The following NRXN3 variants were observed in gnomAD, a reference collection of about 807,000 sequenced individuals.
NRXN3 encodes the protein neurexin III.
A neutral mutation model predicts 137.6 loss-of-function variants in NRXN3; 32 were observed. That is an observed-to-expected ratio of 0.23 (90% CI 0.18 to 0.31). NRXN3 has a LOEUF of 0.31. NRXN3 is among the 10% of genes least tolerant of loss of function. The pLI, the probability that NRXN3 is intolerant of heterozygous loss-of-function variation, is 1.00. For synonymous variants in NRXN3, 798 were observed against 784.5 expected (o/e 1.02, Z -0.29); for missense variants, 1,574 against 2,062.5 (o/e 0.76, Z 4.59).
intron 15 of NRXN3, among the ~76,000 whole-genome samples, chr14:79,032,089 C>A (rs113196389): frequency 6.6e-6 from 1 of 152,152 alleles, no homozygotes; most frequent in African/African-American, 2.4e-5. Flanking sequence ...GGATAAATTT[C>A]ATCAGTTCCC....
intron 15 of NRXN3, among the ~76,000 whole-genome samples, chr14:79,278,052 G>T (rs1158329612): frequency 6.6e-6 from 1 of 152,162 alleles, no homozygotes; most frequent in Non-Finnish European, 1.5e-5. Context: ...TCTCAAGGAT[G>T]AATAGGGCTG....
chr14:79,640,602 G>T (rs1191450866), intron 16 of NRXN3, among the ~76,000 whole-genome samples: 2 of 135,458 alleles, frequency 1.5e-5, no homozygotes, highest in Non-Finnish European at 3.4e-5. Context: ...AGTACTCAAA[G>T]TATGTCCATG....
At chr14:78,521,332 C>T (rs2096281256) in intron 4 of NRXN3, among the ~76,000 whole-genome samples, 1 of 152,156 alleles carries the variant, frequency 6.6e-6, no homozygotes, top group Non-Finnish European at 1.5e-5. Flanking sequence ...ATTTTATTCT[C>T]TCCAAAGAAT....
intron 4 of NRXN3, among the ~76,000 whole-genome samples, chr14:78,545,243 TG>T (rs1436392241): frequency 1.3e-5 from 2 of 152,156 alleles, no homozygotes; most frequent in Non-Finnish European, 2.9e-5. Flanking sequence ...CATAGGAAGG[TG>T]GTTTCTGAGG....
At chr14:79,414,602 A>T (rs185548504) in intron 15 of NRXN3, among the ~76,000 whole-genome samples, 4 of 152,282 alleles carry the variant, frequency 2.6e-5, no homozygotes, top group Admixed American at 2.6e-4. Context: ...ATATGTATTC[A>T]GGGAGTACAA....
intron 18 of NRXN3, among the ~76,000 whole-genome samples, chr14:79,694,959 T>C (rs529515409): frequency 1.3e-5 from 2 of 152,072 alleles, no homozygotes; most frequent in East Asian, 1.9e-4. Context: ...AACTGAAACA[T>C]AGACAACCCC....
At chr14:79,411,696 G>GT (rs2095419858) in intron 15 of NRXN3, among the ~76,000 whole-genome samples, 2 of 152,164 alleles carry the variant, frequency 1.3e-5, no homozygotes, top group Non-Finnish European at 2.9e-5. Context: ...AACAATTGGT[G>GT]TAAGTCTAGT....
At chr14:78,997,587 A>G (rs1243280541) in intron 15 of NRXN3, among the ~76,000 whole-genome samples, 2 of 152,228 alleles carry the variant, frequency 1.3e-5, no homozygotes, top group Admixed American at 1.3e-4. Flanking sequence ...AAATAGAAAT[A>G]ATAAATATAA....
intron 2 of NRXN3, among the ~76,000 whole-genome samples, chr14:78,246,235 T>C (rs961952465): frequency 1.3e-5 from 2 of 152,258 alleles, no homozygotes; most frequent in African/African-American, 4.8e-5. Context: ...ATCTCTATAC[T>C]GTATATGTAT....
intron 16 of NRXN3, among the ~76,000 whole-genome samples, chr14:79,494,503 G>C (rs1277067895): frequency 1.3e-5 from 2 of 152,198 alleles, no homozygotes; most frequent in East Asian, 3.9e-4. Context: ...TTTCTTACCA[G>C]CCTTGCATGA....
chr14:78,780,073 C>G (rs1316217582), intron 8 of NRXN3, among the ~76,000 whole-genome samples: 1 of 152,092 alleles, frequency 6.6e-6, no homozygotes. Context: ...GTTTTATCCC[C>G]AAATTAATTA....
intron 4 of NRXN3, among the ~76,000 whole-genome samples, chr14:78,529,041 G>A (rs1001868975): frequency 6.6e-6 from 1 of 152,108 alleles, no homozygotes; most frequent in Admixed American, 6.6e-5. Context: ...AATAACACAT[G>A]GCTCTTGACT....
intron 6 of NRXN3, 27 bp from the exon 7 acceptor site, chr14:78,709,190 A>G (rs760926606): frequency 2.5e-6 from 4 of 1,587,214 alleles, no homozygotes; most frequent in Non-Finnish European, 3.4e-6. Context: ...ATTGATTCAC[A>G]TGGCACTTTT....
intron 15 of NRXN3, among the ~76,000 whole-genome samples, chr14:79,258,073 AG>A (rs1213991095): frequency 6.6e-6 from 1 of 152,204 alleles, no homozygotes; most frequent in Non-Finnish European, 1.5e-5. Context: ...AGGAAGTGGT[AG>A]GGTCAAGACT....
chr14:78,795,797 A>C (rs909446310), intron 8 of NRXN3, among the ~76,000 whole-genome samples: 5 of 152,236 alleles, frequency 3.3e-5, no homozygotes, highest in Non-Finnish European at 4.4e-5. Flanking sequence ...ACATACACAC[A>C]CAAAAGAAGC....
chr14:79,735,344 A>T (rs1393374902), intron 19 of NRXN3, among the ~76,000 whole-genome samples: 2 of 152,166 alleles, frequency 1.3e-5, no homozygotes, highest in African/African-American at 4.8e-5. Flanking sequence ...CGCAAGACTA[A>T]TTTTTTCCAC....
At chr14:78,239,980 A>C (rs991087672) in intron 1 of NRXN3, among the ~76,000 whole-genome samples, 6 of 152,224 alleles carry the variant, frequency 3.9e-5, no homozygotes, top group Non-Finnish European at 8.8e-5. Context: ...CTGGGATTAC[A>C]GGCGCAAGCC....
intron 1 of NRXN3, among the ~76,000 whole-genome samples, chr14:78,229,012 ATTTT>A (rs1377824154): frequency 6.6e-6 from 1 of 152,174 alleles, no homozygotes; most frequent in Non-Finnish European, 1.5e-5. Flanking sequence ...CTGTTCAAGA[ATTTT>A]TTTGCACATT....
At chr14:78,223,355 G>C (rs1300423641) in intron 1 of NRXN3, among the ~76,000 whole-genome samples, 1 of 152,172 alleles carries the variant, frequency 6.6e-6, no homozygotes, top group Non-Finnish European at 1.5e-5. Context: ...GGCATTTTGT[G>C]GGACTGGTTT....
Sources: gnomAD v4.1 joint callset for allele counts (sites outside exome capture counted in the v4.1 genomes callset) on GRCh38, gnomAD v4.1.1 for gene constraint, MANE v1.5 for transcripts, NCBI Gene and HGNC (gene_info 2026-07-23, HGNC 2026-07-21) for gene names.